The following AKAP6 variants were observed in gnomAD, a reference collection of about 807,000 sequenced individuals.
AKAP6 encodes the protein A-kinase anchor protein 6.
A neutral mutation model predicts 188.5 loss-of-function variants in AKAP6; 58 were observed. That is an observed-to-expected ratio of 0.31 (90% CI 0.25 to 0.38). AKAP6 has a LOEUF of 0.38. Among genes scored for constraint, AKAP6 ranks in the 10% least tolerant of loss-of-function variants. AKAP6 has a pLI of 1.00. For missense variants in AKAP6, 2,710 were observed against 2,740.0 expected, an observed-to-expected ratio of 0.99 and a Z score of 0.24; for synonymous variants, 989 against 998.6, an observed-to-expected ratio of 0.99 and a Z score of 0.18.
intron 12 of AKAP6, among the ~76,000 whole-genome samples, chr14:32,806,112 A>T (rs1247211133): frequency 1.3e-5 from 2 of 152,222 alleles, no homozygotes; most frequent in Non-Finnish European, 2.9e-5. Context: ...GGGGGCAGAT[A>T]ATCAAGAAGT....
At chr14:32,819,216 T>A (rs2034459687) in intron 12 of AKAP6, among the ~76,000 whole-genome samples, 1 of 152,214 alleles carries the variant, frequency 6.6e-6, no homozygotes, top group East Asian at 1.9e-4. Flanking sequence ...TTAATTAATG[T>A]TTAGCTTGTA....
In AKAP6 at chr14:32,546,601, C is replaced by G; in HGVS notation, c.1948C>G (p.Leu650Val). The change falls in exon 4 of 14, where the codon CTA becomes GTA. Residue 650 changes from leucine to valine, a missense_variant. Coordinates refer to ENST00000280979, the MANE Select transcript of AKAP6 (RefSeq NM_004274.5). ...AGTATTGGCTTTGAAGTTGGAAAAC[C>G]TAACAAAGCTTCTGCCTCAGAAACC... ...TEVLALKLEN[L>V]TKLLPQKPRG... 9 of 1,614,168 alleles carry G rather than the reference C, an allele frequency of 5.6e-6. No individual in the cohort carries two copies. Among genetic ancestry groups the G allele is most frequent in the Non-Finnish European group, 7.6e-6 (9 of 1,180,020 alleles).
chr14:32,494,657 A>G (rs937783478), intron 2 of AKAP6, among the ~76,000 whole-genome samples: 11 of 152,150 alleles, frequency 7.2e-5, no homozygotes, highest in Non-Finnish European at 1.2e-4. Flanking sequence ...GGAATGATGC[A>G]CTATGTGACT....
At chr14:32,460,548 T>C (rs1038674713) in intron 2 of AKAP6, among the ~76,000 whole-genome samples, 7 of 152,222 alleles carry the variant, frequency 4.6e-5, no homozygotes, top group African/African-American at 1.7e-4. Context: ...CCAGTTACTA[T>C]GCTTTTCCCA....
chr14:32,386,496 T>C (rs894518002), intron 1 of AKAP6, among the ~76,000 whole-genome samples: 4 of 152,204 alleles, frequency 2.6e-5, no homozygotes, highest in Admixed American at 2.6e-4. Flanking sequence ...TTGTAGATTC[T>C]GGATATTAGT....
chr14:32,522,662 A>G (rs1249468751), intron 2 of AKAP6, among the ~76,000 whole-genome samples: 1 of 152,222 alleles, frequency 6.6e-6, no homozygotes, highest in Non-Finnish European at 1.5e-5. Context: ...ACCAGTTAGA[A>G]TGGTGATCAT....
At chr14:32,802,921 A>C (rs1040216645) in intron 12 of AKAP6, among the ~76,000 whole-genome samples, 1 of 152,050 alleles carries the variant, frequency 6.6e-6, no homozygotes, top group South Asian at 2.1e-4. Context: ...AATATGGTGA[A>C]ACCTCATTTC....
At chr14:32,510,434 A>G (rs866053175) in intron 2 of AKAP6, among the ~76,000 whole-genome samples, 1,080 of 96,688 alleles carry the variant, frequency 0.011, 25 homozygotes, top group African/African-American at 0.045. Flanking sequence ...ACATATATAT[A>G]TGTGTATATA....
intron 2 of AKAP6, among the ~76,000 whole-genome samples, chr14:32,465,936 C>G (rs1468234596): frequency 6.6e-6 from 1 of 152,128 alleles, no homozygotes; most frequent in African/African-American, 2.4e-5. Context: ...AGACACTTCT[C>G]AAAAGAAGAC....
chr14:32,388,976 T>C (rs1467798491), intron 1 of AKAP6, among the ~76,000 whole-genome samples: 1 of 152,154 alleles, frequency 6.6e-6, no homozygotes, highest in Non-Finnish European at 1.5e-5. Context: ...TATTACTGTG[T>C]TGCTGTCTAT....
rs1245788913 is a variant in AKAP6, at chr14:32,546,246, T to C, written c.1593T>C (p.Asn531=). The C allele has an allele frequency of 3.1e-6, 5 of 1,614,008 alleles. No homozygotes were observed. The highest frequency in any genetic ancestry group is 4.2e-6 in the Non-Finnish European group (5 of 1,180,020). ...AKNTKSSAVP[N]GELSYTSKAI... Reference sequence around the variant, plus strand: ...ATACAAAGAGCTCAGCAGTGCCAAATGGAGAGCTTTCTTATACTTCCAAGG... The same window carrying C: ...ATACAAAGAGCTCAGCAGTGCCAAACGGAGAGCTTTCTTATACTTCCAAGG... Residue 531 remains asparagine (N), a synonymous_variant, in exon 4 of 14, where the codon AAT becomes AAC. Coordinates refer to ENST00000280979, the MANE Select transcript of AKAP6 (RefSeq NM_004274.5).
intron 12 of AKAP6, among the ~76,000 whole-genome samples, chr14:32,814,024 T>G (rs998346508): frequency 6.6e-6 from 1 of 152,158 alleles, no homozygotes; most frequent in African/African-American, 2.4e-5. Context: ...CTTCCAAGAC[T>G]GGTGCTGGGA....
Position 32,735,551 on chromosome 14 carries a change from G to T in AKAP6, c.3148-107G>T, listed in dbSNP as rs948826593. On this transcript the variant is annotated intron_variant, in intron 10 of 13. Coordinates refer to ENST00000280979, the MANE Select transcript of AKAP6 (RefSeq NM_004274.5). ...GGCTCTCGTTACCAACAAAACTGTGGTGTGTTTTTGGTACCTAAGTTAATC... is the reference window on the plus strand; with the variant it reads ...GGCTCTCGTTACCAACAAAACTGTGTTGTGTTTTTGGTACCTAAGTTAATC... 3.8e-6 allele frequency: 3 copies of T among 789,024 alleles called. No homozygotes were observed. In the South Asian group the frequency reaches 5.8e-5, roughly 15 times the overall value. 48.9% of individuals were successfully genotyped at this position (789,024 alleles called of 1,614,324 possible).
At chr14:32,490,968 G>C (rs1303047542) in intron 2 of AKAP6, among the ~76,000 whole-genome samples, 1 of 152,178 alleles carries the variant, frequency 6.6e-6, no homozygotes, top group African/African-American at 2.4e-5. Context: ...ATAATTTTAT[G>C]TCGATGCCTC....
chr14:32,404,691 G>GATATATATATATATATATATATATAT (rs55702209), intron 1 of AKAP6, among the ~76,000 whole-genome samples: 2,069 of 44,054 alleles, frequency 0.047, 300 homozygotes, highest in Middle Eastern at 0.078. Flanking sequence ...GGAGTCAGGA[G>GATATATATATATATATATATATATAT]ATATATATAT....
chr14:32,506,561 G>A (rs1337235330), intron 2 of AKAP6, among the ~76,000 whole-genome samples: 1 of 152,078 alleles, frequency 6.6e-6, no homozygotes, highest in Non-Finnish European at 1.5e-5. Flanking sequence ...GTGGCTTTTG[G>A]GTTGGGTGTC....
chr14:32,735,583 T>A, intron 10 of AKAP6, 75 bp from the exon 11 acceptor site: 1 of 1,158,244 alleles, frequency 8.6e-7, no homozygotes, highest in Non-Finnish European at 1.2e-6. Context: ...AATCTATGTT[T>A]TTGTTTTTTT....
chr14:32,791,082 T>G (rs992045504), intron 12 of AKAP6, among the ~76,000 whole-genome samples: 4 of 152,172 alleles, frequency 2.6e-5, no homozygotes, highest in African/African-American at 9.7e-5. Flanking sequence ...TAAACATATG[T>G]GTGCTTGTGT....
intron 9 of AKAP6, among the ~76,000 whole-genome samples, chr14:32,727,538 A>G (rs978418628): frequency 1.3e-5 from 2 of 152,210 alleles, no homozygotes; most frequent in Non-Finnish European, 2.9e-5. Context: ...AAGATAATGC[A>G]ATCTATGTCC....
Sources: gnomAD v4.1 joint callset for allele counts (sites outside exome capture counted in the v4.1 genomes callset) on GRCh38, gnomAD v4.1.1 for gene constraint, MANE v1.5 for transcripts, NCBI Gene and HGNC (gene_info 2026-07-23, HGNC 2026-07-21) for gene names.